Variants in ARHGAP15 observed in about 807,000 individuals in gnomAD.
ARHGAP15 encodes the protein rho GTPase-activating protein 15.
In ARHGAP15, 51 loss-of-function variants were observed where a neutral mutation model predicts 63.7. That is an observed-to-expected ratio of 0.80 (90% confidence interval 0.64 to 1.01). ARHGAP15 has a LOEUF of 1.01. ARHGAP15 is among the 50% of genes least tolerant of loss of function. The probability of loss-of-function intolerance (pLI) is 0.00; values close to 1 mark genes in which losing one functional copy is unlikely to be tolerated. For missense variants in ARHGAP15, 560 were observed against 564.6 expected (o/e 0.99, Z 0.08); for synonymous variants, 191 against 193.8 (o/e 0.99, Z 0.12).
chr2:143,389,082 C>A (rs1031291187), intron 6 of ARHGAP15, among the ~76,000 whole-genome samples: 2 of 134,280 alleles, frequency 1.5e-5, no homozygotes, highest in African/African-American at 5.7e-5. Flanking sequence ...CTTAATATTT[C>A]TATTTTCTGT....
At chr2:143,644,563 A>G (rs1007403613) in intron 12 of ARHGAP15, among the ~76,000 whole-genome samples, 1 of 152,082 alleles carries the variant, frequency 6.6e-6, no homozygotes, top group African/African-American at 2.4e-5. Flanking sequence ...ACTTGGAGGT[A>G]TCATGTTCTG....
At chr2:143,537,155 T>A (rs1694810224) in intron 10 of ARHGAP15, among the ~76,000 whole-genome samples, 2 of 152,252 alleles carry the variant, frequency 1.3e-5, no homozygotes, top group Admixed American at 6.5e-5. Flanking sequence ...TTCATGTGTT[T>A]TTTGGCTGCA....
At chr2:143,297,066 G>A (rs192486954) in intron 6 of ARHGAP15, among the ~76,000 whole-genome samples, 5 of 151,970 alleles carry the variant, frequency 3.3e-5, no homozygotes, top group Admixed American at 3.3e-4. Context: ...AAAGAAAAAA[G>A]GTACCCCAGT....
At chr2:143,758,650 T>A (rs1249009626) in intron 13 of ARHGAP15, among the ~76,000 whole-genome samples, 1 of 152,218 alleles carries the variant, frequency 6.6e-6, no homozygotes, top group Non-Finnish European at 1.5e-5. Context: ...CTATTTTTCA[T>A]GTATGGCAGT....
intron 8 of ARHGAP15, among the ~76,000 whole-genome samples, chr2:143,463,419 G>A (rs1226078620): frequency 2.0e-5 from 3 of 151,380 alleles, no homozygotes; most frequent in African/African-American, 7.3e-5. Context: ...GCGGGCACCT[G>A]TAATCCTATC....
intron 2 of ARHGAP15, among the ~76,000 whole-genome samples, chr2:143,168,734 C>A (rs1397280689): frequency 6.6e-6 from 1 of 151,970 alleles, no homozygotes; most frequent in Non-Finnish European, 1.5e-5. Flanking sequence ...AAGGCCCTTA[C>A]AATATTATAC....
chr2:143,315,589 G>A (rs1054989182), intron 6 of ARHGAP15, among the ~76,000 whole-genome samples: 1 of 152,018 alleles, frequency 6.6e-6, no homozygotes, highest in Non-Finnish European at 1.5e-5. Flanking sequence ...GTGCAGGATG[G>A]GAGAAAATGC....
chr2:143,650,477 T>C (rs1243000324), intron 12 of ARHGAP15, among the ~76,000 whole-genome samples: 1 of 151,956 alleles, frequency 6.6e-6, no homozygotes, highest in African/African-American at 2.4e-5. Context: ...TTTATGGTGC[T>C]ATACCTTACA....
chr2:143,169,887 C>G (rs1342800830), intron 2 of ARHGAP15, among the ~76,000 whole-genome samples: 3 of 151,870 alleles, frequency 2.0e-5, no homozygotes, highest in Admixed American at 1.3e-4. Context: ...TGCACTCTAG[C>G]CAGGATTAGA....
At chr2:143,618,705 A>C (rs1327328337) in intron 11 of ARHGAP15, among the ~76,000 whole-genome samples, 1 of 152,238 alleles carries the variant, frequency 6.6e-6, no homozygotes, top group East Asian at 1.9e-4. Context: ...AAGTGCAAGC[A>C]TATTTCAAAA....
At chr2:143,419,256 A>G (rs900339593) in intron 6 of ARHGAP15, among the ~76,000 whole-genome samples, 1 of 152,196 alleles carries the variant, frequency 6.6e-6, no homozygotes, top group African/African-American at 2.4e-5. Context: ...CAGAGAAAAT[A>G]TGAATTGAAA....
At chr2:143,670,204 C>A (rs1682446937) in intron 12 of ARHGAP15, among the ~76,000 whole-genome samples, 1 of 152,168 alleles carries the variant, frequency 6.6e-6, no homozygotes, top group Non-Finnish European at 1.5e-5. Context: ...TGCTCCCAAC[C>A]ACATTTCAGC....
At chr2:143,413,971 G>GCGCGCGCGCGCGCGCACA (rs147891307) in intron 6 of ARHGAP15, among the ~76,000 whole-genome samples, 1 of 147,640 alleles carries the variant, frequency 6.8e-6, no homozygotes, top group Admixed American at 6.8e-5. Context: ...GTGTGTGCGC[G>GCGCGCGCGCGCGCGCACA]CTCTCTGGCA....
intron 9 of ARHGAP15, among the ~76,000 whole-genome samples, chr2:143,512,233 A>C (rs1284232081): frequency 6.6e-6 from 1 of 152,224 alleles, no homozygotes; most frequent in Non-Finnish European, 1.5e-5. Context: ...AATATCTCTC[A>C]TAAAAAGAGG....
At chr2:143,440,801 G>A (rs1053030517) in intron 8 of ARHGAP15, among the ~76,000 whole-genome samples, 4 of 152,208 alleles carry the variant, frequency 2.6e-5, no homozygotes, top group Non-Finnish European at 5.9e-5. Context: ...AGCCTGGGAT[G>A]AGAGTAGGAG....
chr2:143,715,822 C>A (rs1350030824), intron 13 of ARHGAP15, among the ~76,000 whole-genome samples: 2 of 152,096 alleles, frequency 1.3e-5, no homozygotes. Flanking sequence ...ATGGTATTGC[C>A]TAAATTTTCT....
At chr2:143,616,459 G>C (rs912551122) in intron 11 of ARHGAP15, among the ~76,000 whole-genome samples, 1 of 152,106 alleles carries the variant, frequency 6.6e-6, no homozygotes, top group Non-Finnish European at 1.5e-5. Flanking sequence ...TGTGACATGC[G>C]CATGCTTTGG....
intron 10 of ARHGAP15, among the ~76,000 whole-genome samples, chr2:143,532,530 G>C (rs889405748): frequency 6.6e-6 from 1 of 152,102 alleles, no homozygotes; most frequent in African/African-American, 2.4e-5. Context: ...AGGTAAACTA[G>C]TGGAAATGAT....
At chr2:143,575,810 C>A (rs909753775) in intron 11 of ARHGAP15, among the ~76,000 whole-genome samples, 2 of 152,118 alleles carry the variant, frequency 1.3e-5, no homozygotes, top group South Asian at 2.1e-4. Context: ...TATTTCACAG[C>A]AACCCATATT....
Sources: allele counts gnomAD v4.1 joint callset (sites outside exome capture counted in the v4.1 genomes callset), GRCh38; gene constraint gnomAD v4.1.1; transcripts MANE v1.5; gene names NCBI Gene and HGNC (gene_info 2026-07-23, HGNC 2026-07-21).